Variants in ARHGEF33 observed in about 807,000 individuals in gnomAD.
ARHGEF33 encodes DH and coiled-coil domain-containing protein ENSP00000381780.
Under a neutral mutation model 101.9 loss-of-function variants are expected in ARHGEF33, and 72 were observed. The ratio of observed to expected loss-of-function variants is 0.71; its 90% CI spans 0.58 to 0.86. The LOEUF is 0.86. ARHGEF33 is among the 40% of genes least tolerant of loss of function. The pLI is 0.00. For missense variants in ARHGEF33, 1,169 were observed against 1,111.3 expected (o/e 1.05, Z -0.74); for synonymous variants, 499 against 442.5 (o/e 1.13, Z -1.60).
intron 1 of ARHGEF33, among the ~76,000 whole-genome samples, chr2:38,894,213 G>A (rs2124975665): frequency 6.6e-6 from 1 of 152,112 alleles, no homozygotes; most frequent in East Asian, 1.9e-4. Context: ...TGCACCTGTA[G>A]TTCCAGCTAC....
intron 1 of ARHGEF33, among the ~76,000 whole-genome samples, chr2:38,891,442 C>T (rs936574633): frequency 6.6e-6 from 1 of 151,212 alleles, no homozygotes; most frequent in African/African-American, 2.4e-5. Flanking sequence ...AGTTCTTAAC[C>T]TTTTCGGTGT....
Position 38,954,391 on chromosome 2 carries a change from T to C in ARHGEF33, c.1156T>C (p.Ser386Pro). 1 of 1,546,640 alleles carries C rather than the reference T, an allele frequency of 6.5e-7. No homozygotes were observed. The highest frequency in any genetic ancestry group is 1.2e-5 in the South Asian group (1 of 83,742). The part of the protein sequence containing the change: ...VLKEGDEEIK[S>P]DIYTLFFHIV... Reference sequence around the variant, plus strand: ...CATTCAGGGTGATGAAGAGATTAAATCTGACATCTACACGTTGTTTTTTCA... The same window carrying C: ...CATTCAGGGTGATGAAGAGATTAAACCTGACATCTACACGTTGTTTTTTCA... Residue 386 changes from serine to proline, a missense_variant, in exon 13 of 18, where the codon TCT (serine) becomes CCT (proline). Ser to Pro is a moderately conservative substitution (Grantham distance 74). Coordinates refer to ENST00000409978, the MANE Select transcript of ARHGEF33 (RefSeq NM_001145451.5).
At chr2:38,963,083 G>A (rs1667981665) in intron 16 of ARHGEF33, among the ~76,000 whole-genome samples, 2 of 151,368 alleles carry the variant, frequency 1.3e-5, no homozygotes, top group African/African-American at 4.9e-5. Context: ...AGCATGCAGA[G>A]TGCAGGTGGG....
chr2:38,956,356 C>T (rs1051488817), intron 13 of ARHGEF33, among the ~76,000 whole-genome samples: 1 of 152,110 alleles, frequency 6.6e-6, no homozygotes, highest in African/African-American at 2.4e-5. Flanking sequence ...GTTGCGGTAA[C>T]AATTAAATGA....
chr2:38,931,778 G>C (rs909228447), intron 7 of ARHGEF33, among the ~76,000 whole-genome samples: 1 of 152,180 alleles, frequency 6.6e-6, no homozygotes, highest in Admixed American at 6.5e-5. Context: ...TTCAACTCAG[G>C]AAAAGTAAAA....
intron 1 of ARHGEF33, among the ~76,000 whole-genome samples, chr2:38,890,479 T>G (rs1665971840): frequency 6.6e-6 from 1 of 152,118 alleles, no homozygotes; most frequent in South Asian, 2.1e-4. Flanking sequence ...AAAAAACATA[T>G]CCTGATTGAA....
At chr2:38,900,295 A>G (rs1247413487) in intron 2 of ARHGEF33, among the ~76,000 whole-genome samples, 2 of 152,198 alleles carry the variant, frequency 1.3e-5, no homozygotes, top group Non-Finnish European at 2.9e-5. Flanking sequence ...AGAGGGATTG[A>G]CTAATTATGA....
Position 38,951,127 on chromosome 2 carries a change from G to T in ARHGEF33, c.1053+6G>T, listed in dbSNP as rs1558440190. ...TTAAGTTAACAAATGACGAGGTAAG[G>T]TTTTTTCTGCCCCTCTATACATTTT... On this transcript the variant is annotated splice_donor_region_variant and intron_variant, in intron 11 of 17. Transcript: ENST00000409978. 6.4e-7 allele frequency: 1 copy of T among 1,551,350 alleles called. No individual in the cohort carries two copies. The highest frequency in any genetic ancestry group is 8.7e-7 in the Non-Finnish European group (1 of 1,146,788).
In ARHGEF33 at chr2:38,895,347, C is replaced by CT. The variant is rs147103691; in HGVS notation, c.-158-428dup. On this transcript the variant is annotated intron_variant, in intron 1 of 17. Coordinates refer to ENST00000409978, the MANE Select transcript of ARHGEF33 (RefSeq NM_001145451.5). Reference sequence around the variant, plus strand: ...AAAAACCTATTACAAACACATTTCACTTGTCACTTGAAGTAGGTGATTTAA... The same window carrying CT: ...AAAAACCTATTACAAACACATTTCACTTTGTCACTTGAAGTAGGTGATTTAA... Among the ~76,000 whole-genome samples, 298 of 152,318 alleles carry CT rather than the reference C, an allele frequency of 2.0e-3. 2 individuals are homozygous for CT. Among genetic ancestry groups the CT allele is most frequent in the African/African-American group, 7.0e-3 (291 of 41,560 alleles).
Position 38,953,246 on chromosome 2 carries a change from G to A in ARHGEF33, c.1137+1G>A. The A allele has an allele frequency of 1.3e-6, 2 of 1,498,060 alleles. No homozygotes were observed. The highest frequency in any genetic ancestry group is 2.5e-5 in the East Asian group (1 of 40,662). The allele number at this position is 1,498,060 out of a possible 1,614,324, so 92.8% of individuals were successfully genotyped here. On this transcript the variant is annotated splice_donor_variant, in intron 12 of 17. Transcript: ENST00000409978. LOFTEE classifies it high-confidence loss of function. ...GGTTCATGTTGTAGTCCTGAAAGAG[G>A]TGAGTTAACGCCATATATATGCTAT... is the stretch of plus-strand genomic sequence containing the variant.
At chr2:38,945,063 G>C (rs1454753986) in intron 10 of ARHGEF33, among the ~76,000 whole-genome samples, 1 of 152,122 alleles carries the variant, frequency 6.6e-6, no homozygotes, top group African/African-American at 2.4e-5. Flanking sequence ...TTAATGTAAT[G>C]AATATATAAT....
intron 2 of ARHGEF33, among the ~76,000 whole-genome samples, 162 bp from the exon 3 acceptor site, chr2:38,919,201 T>G (rs1030345915): frequency 1.3e-5 from 2 of 152,282 alleles, no homozygotes; most frequent in African/African-American, 4.8e-5. Flanking sequence ...ACAAAATATT[T>G]ACCTTTATGC....
chr2:38,909,376 C>A (rs1447413869), intron 2 of ARHGEF33, among the ~76,000 whole-genome samples: 1 of 151,982 alleles, frequency 6.6e-6, no homozygotes, highest in Non-Finnish European at 1.5e-5. Flanking sequence ...GGCTGGAGTG[C>A]AGTGGCTCTA....
intron 7 of ARHGEF33, among the ~76,000 whole-genome samples, chr2:38,932,612 G>A (rs1667033733): frequency 6.6e-6 from 1 of 152,186 alleles, no homozygotes; most frequent in Non-Finnish European, 1.5e-5. Flanking sequence ...AAAGAGTATA[G>A]TATAGGATAG....
rs1418847385 is a variant in ARHGEF33, at chr2:38,943,888, T to C, written c.791-13T>C. ...ATGGTTAATATCAAGTCCTCTTTGG[T>C]TTGTTTCTAAAGCTAAAAGACAGAC... On this transcript the variant is annotated splice_polypyrimidine_tract_variant and intron_variant, in intron 9 of 17. Coordinates refer to ENST00000409978, the MANE Select transcript of ARHGEF33 (RefSeq NM_001145451.5). The C allele has an allele frequency of 6.5e-7, 1 of 1,550,382 alleles. No individual in the cohort carries two copies. Among genetic ancestry groups the C allele is most frequent in the South Asian group, 1.2e-5 (1 of 83,304 alleles).
At chr2:38,951,482 G>A (rs1163456653) in intron 11 of ARHGEF33, among the ~76,000 whole-genome samples, 1 of 152,068 alleles carries the variant, frequency 6.6e-6, no homozygotes, top group East Asian at 1.9e-4. Context: ...ATATATATTT[G>A]TGGGCCGGGT....
chr2:38,911,060 A>C (rs1666498194), intron 2 of ARHGEF33, among the ~76,000 whole-genome samples: 2 of 152,244 alleles, frequency 1.3e-5, no homozygotes, highest in African/African-American at 4.8e-5. Flanking sequence ...CAAGTGAGAT[A>C]ACATACATGA....
intron 2 of ARHGEF33, among the ~76,000 whole-genome samples, chr2:38,917,490 A>G (rs1397936837): frequency 6.6e-6 from 1 of 152,192 alleles, no homozygotes; most frequent in Non-Finnish European, 1.5e-5. Context: ...TTGTGCACCA[A>G]TATACCACTA....
At position 38,964,111 on chromosome 2, in the gene ARHGEF33, G is replaced by A. The variant is rs1393734654; in HGVS notation, c.2344-1895G>A. Among the ~76,000 whole-genome samples, 2 of 152,072 alleles carry A rather than the reference G, an allele frequency of 1.3e-5. 1 individual carries two copies. The highest frequency in any genetic ancestry group is 4.1e-4 in the South Asian group (2 of 4,820). On this transcript the variant is annotated intron_variant, in intron 16 of 17. Coordinates refer to ENST00000409978, the MANE Select transcript of ARHGEF33 (RefSeq NM_001145451.5). ...GTGACACCTGAAGTGTGTCACTTAT[G>A]TCCAATCTACTCTGTAATCTCATTT...
Sources: gnomAD v4.1 joint callset for allele counts (sites outside exome capture counted in the v4.1 genomes callset) on GRCh38, gnomAD v4.1.1 for gene constraint, MANE v1.5 for transcripts, NCBI Gene and HGNC (gene_info 2026-07-23, HGNC 2026-07-21) for gene names.